SVIL: variants seen among roughly 807,000 people sequenced by gnomAD.
The protein encoded by SVIL is supervillin.
A neutral mutation model predicts 240.4 loss-of-function variants in SVIL; 101 were observed. The observed-to-expected ratio is 0.42, with a 90% confidence interval of 0.36 to 0.50. The LOEUF is 0.50. SVIL is among the 20% of genes least tolerant of loss of function. The pLI is 0.01. For missense variants in SVIL, 2,512 were observed against 2,818.7 expected (o/e 0.89, Z 2.46); for synonymous variants, 999 against 1,100.0 (o/e 0.91, Z 1.82).
rs1362141778 is a variant in SVIL, at chr10:29,485,991, T to C, written c.4779+94A>G. On this transcript the variant is annotated intron_variant, in intron 26 of 37. Coordinates refer to ENST00000355867, the MANE Select transcript of SVIL (RefSeq NM_021738.3). ...CAATGGATACCGACACTGGCTAACC[T>C]TTATTGGGAACTTACTCTCTAATCT... 3 of 1,458,538 alleles carry C rather than the reference T, an allele frequency of 2.1e-6. No individual in the cohort carries two copies. The African/African-American group carries it at 4.2e-5, about 21-fold the overall frequency. The allele number at this position is 1,458,538 out of a possible 1,614,324, so 90.3% of individuals were successfully genotyped here.
chr10:29,674,886 T>C (rs1249082383), intron 2 of SVIL, among the ~76,000 whole-genome samples: 2 of 152,260 alleles, frequency 1.3e-5, no homozygotes, highest in South Asian at 2.1e-4. Flanking sequence ...GAAGACTGTG[T>C]CCCACGGCAT....
chr10:29,662,660 AAGCCACTAGTAAG>A (rs1959172033), intron 2 of SVIL, among the ~76,000 whole-genome samples: 14 of 152,324 alleles, frequency 9.2e-5, no homozygotes, highest in African/African-American at 2.9e-4. Flanking sequence ...ATGGATGGGA[AAGCCACTAGTAAG>A]TGACTGGACT....
At chr10:29,709,010 C>T (rs1963099591) in intron 1 of SVIL, among the ~76,000 whole-genome samples, 1 of 89,472 alleles carries the variant, frequency 1.1e-5, no homozygotes, top group Non-Finnish European at 2.6e-5. Flanking sequence ...AGAATAAAAA[C>T]ACAAAAAATT....
intron 30 of SVIL, 58 bp from the exon 31 acceptor site, chr10:29,471,301 AACAATACATGCCTCTT>A: frequency 7.6e-7 from 1 of 1,322,456 alleles, no homozygotes. Context: ...AAGTCCTAAA[AACAATACATGCCTCTT>A]GCAGAAAATC....
In SVIL at chr10:29,531,256, T is replaced by C; in HGVS notation, c.2042A>G (p.Asp681Gly). The C allele has an allele frequency of 2.5e-6, 4 of 1,613,958 alleles. No homozygotes were observed. The East Asian group carries it at 6.7e-5, about 27-fold the overall frequency. Residue 681 changes from aspartate (D) to glycine (G), a missense_variant and splice_region_variant, in exon 10 of 38, where the codon GAT (aspartate) becomes GGT (glycine). Physicochemically the swap from Asp to Gly is moderately conservative, Grantham distance 94 (BLOSUM62 -1). This residue lies in a region of SVIL where 1,443 missense variants were observed against 1,486.6 expected (regional missense o/e 0.97). Transcript: ENST00000355867. Reference protein sequence around the residue: ...CTSHSETPTVDDEEKVDERAK... With the variant: ...CTSHSETPTVGDEEKVDERAK... ...AAAAAAGGGAAACAGGTACTTGCCA[T>C]CGACAGTTGGCGTTTCTGAATGTGA...
At chr10:29,719,304 T>A (rs118073590) in intron 1 of SVIL, among the ~76,000 whole-genome samples, 4,868 of 152,278 alleles carry the variant, frequency 0.032, 107 homozygotes, top group Middle Eastern at 0.051. Context: ...ACACTCGGTA[T>A]AAACGGGTTA....
Position 29,656,055 on chromosome 10 carries a change from G to C in SVIL, c.-201+1914C>G, listed in dbSNP as rs573891260. ...CCAGCTAATTTTTGTATTTTTAGTA[G>C]AGATGGGGTTTCACCATGTTGGCCA... On this transcript the variant is annotated intron_variant, in intron 3 of 35. Coordinates refer to the SVIL transcript ENST00000375400. 5.3e-5 allele frequency among the ~76,000 whole-genome samples: 8 copies of C among 151,814 alleles called. No individual in the cohort carries two copies. In the South Asian group the frequency reaches 1.7e-3, roughly 32 times the overall value.
chr10:29,522,313 G>T, intron 16 of SVIL, 97 bp downstream of exon 16: 1 of 1,163,354 alleles, frequency 8.6e-7, no homozygotes, highest in Non-Finnish European at 1.2e-6. Flanking sequence ...CTGAATGTAT[G>T]ATTTCATCTC....
intron 16 of SVIL, among the ~76,000 whole-genome samples, chr10:29,514,778 C>G (rs569363224): frequency 3.3e-5 from 5 of 152,338 alleles, no homozygotes; most frequent in Admixed American, 1.3e-4. Context: ...ACATCAGGAA[C>G]TGGTCAGATG....
chr10:29,659,394 C>A (rs1719369812), intron 2 of SVIL, among the ~76,000 whole-genome samples: 1 of 152,120 alleles, frequency 6.6e-6, no homozygotes, highest in South Asian at 2.1e-4. Flanking sequence ...ATTCTTACCG[C>A]CGGAAAAAGT....
rs1033714307 is a variant in SVIL at position 29,530,797 on chromosome 10, G to A, written c.2045-129C>T. ...TAGGTGCACTAAAATAATAATTGGTGGTAGTTTCCCCTTGCAGGGAGCCCA... is the reference window on the plus strand; with the variant it reads ...TAGGTGCACTAAAATAATAATTGGTAGTAGTTTCCCCTTGCAGGGAGCCCA... On this transcript the variant is annotated intron_variant, in intron 10 of 37. Transcript: ENST00000355867. 1.4e-5 allele frequency: 14 copies of A among 1,006,968 alleles called. No homozygotes were observed. The South Asian group carries it at 1.6e-4, about 11-fold the overall frequency. 62.4% of individuals were successfully genotyped at this position (1,006,968 alleles called of 1,614,324 possible).
At chr10:29,458,835 C>A in intron 36 of SVIL, 1 of 261,496 alleles carries the variant, frequency 3.8e-6, no homozygotes. Flanking sequence ...GAGACAAGGT[C>A]TCACTCTGCT....
chr10:29,614,425 T>A (rs1957360161), intron 1 of SVIL, among the ~76,000 whole-genome samples: 1 of 152,086 alleles, frequency 6.6e-6, no homozygotes. Context: ...TGCCCATCAA[T>A]GATAGACTGG....
chr10:29,508,433 A>C lies in SVIL; in HGVS notation c.3516+4302T>G, dbSNP rs1391660178. 4.7e-6 allele frequency: 6 copies of C among 1,285,634 alleles called. No homozygotes were observed. The East Asian group carries it at 2.8e-4, about 60-fold the overall frequency. 79.6% of individuals were successfully genotyped at this position (1,285,634 alleles called of 1,614,324 possible). A position where few individuals can be genotyped will look rare whatever the true frequency, so the allele number is the denominator to read the frequency against. On this transcript the variant is annotated intron_variant, in intron 17 of 37. Coordinates refer to ENST00000355867, the MANE Select transcript of SVIL (RefSeq NM_021738.3). ...AGGGAACATGGCAGAGTATTGGAAG[A>C]GAAGAGCCTGGTCAGGGCATCGCAA...
chr10:29,504,669 A>T (rs1949135862), intron 17 of SVIL, among the ~76,000 whole-genome samples: 1 of 152,228 alleles, frequency 6.6e-6, no homozygotes, highest in African/African-American at 2.4e-5. Flanking sequence ...ATCAATTAGG[A>T]TGGCAAAAAT....
intron 6 of SVIL, among the ~76,000 whole-genome samples, 164 bp downstream of exon 6, chr10:29,550,433 C>T (rs527652082): frequency 1.6e-4 from 24 of 146,716 alleles, no homozygotes; most frequent in African/African-American, 5.1e-4. Flanking sequence ...CAGAGTGGGA[C>T]CCTGTCTTCA....
chr10:29,662,183 AT>A (rs1423906782), intron 2 of SVIL, among the ~76,000 whole-genome samples: 3 of 152,048 alleles, frequency 2.0e-5, no homozygotes, highest in African/African-American at 7.2e-5. Context: ...TCTTCCAGAC[AT>A]TTTCACAGAG....
intron 27 of SVIL, chr10:29,483,071 C>T (rs1290919171): frequency 6.6e-6 from 1 of 152,214 alleles, no homozygotes; most frequent in Non-Finnish European, 1.5e-5. Context: ...AGGAACCAAA[C>T]ATAAGCACCT....
chr10:29,500,252 C>A (rs4749441), intron 17 of SVIL, among the ~76,000 whole-genome samples: 41,374 of 151,784 alleles, frequency 0.27, 5,876 homozygotes, highest in South Asian at 0.38. Flanking sequence ...TCCTCAAACG[C>A]TGGCCGGCAG....
Sources: allele counts gnomAD v4.1 joint callset (sites outside exome capture counted in the v4.1 genomes callset), GRCh38; gene constraint gnomAD v4.1.1; regional missense constraint gnomAD v4.1.1; transcripts MANE v1.5; gene names NCBI Gene and HGNC (gene_info 2026-07-23, HGNC 2026-07-21).